The following PAGE1 variants were observed in gnomAD, a reference collection of about 807,000 sequenced individuals.
PAGE1 encodes the protein P antigen family member 1.
In PAGE1, 6 loss-of-function variants were observed where a neutral mutation model predicts 11.5. The ratio of observed to expected loss-of-function variants is 0.52; its 90% confidence interval spans 0.29 to 1.03. The LOEUF is 1.03. PAGE1 is among the 50% of genes least tolerant of loss of function. The probability of loss-of-function intolerance (pLI) is 0.09; values close to 1 mark genes in which losing one functional copy is unlikely to be tolerated. For synonymous variants in PAGE1, 42 were observed against 40.2 expected, an observed-to-expected ratio of 1.05 and a Z score of -0.17; for missense variants, 120 against 110.2, an observed-to-expected ratio of 1.09 and a Z score of -0.40.
chrX:49,691,325 C>T lies in PAGE1; in HGVS notation c.216G>A (p.Gly72=), dbSNP rs782553322. The T allele has an allele frequency of 9.9e-6, 12 of 1,207,990 alleles. No individual in the cohort carries two copies. The African/African-American group carries it at 1.7e-4, about 18-fold the overall frequency. ...TATCAGGACCATCTCCAAGCTCACACCCAGTCTTTGGCTGAACCAGTTCCT... is the reference window on the plus strand; with the variant it reads ...TATCAGGACCATCTCCAAGCTCACATCCAGTCTTTGGCTGAACCAGTTCCT... ...DSQELVQPKT[G]CELGDGPDTK... is the part of the protein sequence containing the mutation. The change falls in exon 4 of 6, where the codon GGG becomes GGA. Residue 72 remains glycine, a synonymous_variant. Coordinates refer to ENST00000376150, the MANE Select transcript of PAGE1 (RefSeq NM_003785.4).
Position 49,694,715 on chromosome X carries a change from G to T in PAGE1, c.56C>A (p.Ser19Tyr), listed in dbSNP as rs782621969. ...YRRRPMIYVE[S>Y]SEESSDEQPD... The stretch of plus-strand genomic sequence containing the variant: ...CAGCATAGGCCCAATTACCTCAGAA[G>T]ATTCTACATAGATCATTGGTCTACG... Residue 19 changes from serine (S) to tyrosine (Y), a missense_variant, in exon 2 of 6, where the codon TCT (serine) becomes TAT (tyrosine). Physicochemically the swap from Ser to Tyr is moderately radical, Grantham distance 144 (BLOSUM62 -2). Transcript: ENST00000376150. 5 of 1,185,554 alleles carry T rather than the reference G, an allele frequency of 4.2e-6. No individual in the cohort carries two copies. In the South Asian group the frequency reaches 9.3e-5, roughly 22 times the overall value.
At chrX:49,689,644 A>ATG (rs1205438137) in intron 4 of PAGE1, 101 bp from the exon 5 acceptor site, 1 of 88,007 alleles carries the variant, frequency 1.1e-5, no homozygotes, top group Non-Finnish European at 1.7e-5. Context: ...ATACATATAT[A>ATG]TGTGTGTGTA....
In PAGE1 at chrX:49,687,510, A is replaced by G. The variant is rs782751844; in HGVS notation, c.*31T>C. On this transcript the variant is annotated 3_prime_UTR_variant, in exon 6 of 6. Transcript: ENST00000376150. The stretch of plus-strand genomic sequence containing the variant: ...TTAATGGTCAAATTTCCAACACAGG[A>G]GCAGCCTGAACCATTTCAGCGTGTC... 8.4e-7 allele frequency: 1 copy of G among 1,193,686 alleles called. No individual in the cohort carries two copies. Among genetic ancestry groups the G allele is most frequent in the South Asian group, 1.8e-5 (1 of 56,098 alleles).
intron 2 of PAGE1, 100 bp downstream of exon 2, chrX:49,694,608 G>A: frequency 2.2e-6 from 1 of 458,775 alleles, no homozygotes; most frequent in Non-Finnish European, 3.7e-6. Context: ...CTTTATTAGT[G>A]TATCTATACT....
At chrX:49,690,869 C>CAAA (rs781913120) in intron 4 of PAGE1, among the ~76,000 whole-genome samples, 1 of 61,523 alleles carries the variant, frequency 1.6e-5, no homozygotes, top group East Asian at 4.6e-4. Context: ...TACTAAAATA[C>CAAA]AAAAAAAAAA....
rs1044293929 is a variant in PAGE1, at chrX:49,687,627, G to C, written c.419-64C>G. 4.0e-5 allele frequency: 40 copies of C among 1,005,951 alleles called. No homozygotes were observed. In the African/African-American group the frequency reaches 6.7e-4, roughly 17 times the overall value. 82.9% of individuals were successfully genotyped at this position (1,005,951 alleles called of 1,213,427 possible). A position where few individuals can be genotyped will look rare whatever the true frequency, so the allele number is the denominator to read the frequency against. On this transcript the variant is annotated intron_variant, in intron 5 of 5. Coordinates refer to ENST00000376150, the MANE Select transcript of PAGE1 (RefSeq NM_003785.4). ...AGCAGATTATTTAGATGACCCAAAA[G>C]GCACACAAAGGACACTACAATTTGG...
At chrX:49,695,347 C>T (rs1366189807) in intron 1 of PAGE1, among the ~76,000 whole-genome samples, 2 of 111,858 alleles carry the variant, frequency 1.8e-5, no homozygotes, top group African/African-American at 6.5e-5. Context: ...CCATTGTTTC[C>T]GGACCTTCTA....
At chrX:49,694,323 C>A in intron 2 of PAGE1, 122 bp from the exon 3 acceptor site, 1 of 437,186 alleles carries the variant, frequency 2.3e-6, no homozygotes, top group Non-Finnish European at 4.0e-6. Context: ...ATAACTAAAC[C>A]TAAAAATATT....
In PAGE1 at chrX:49,691,249, C is replaced by A; in HGVS notation, c.292G>T (p.Gly98Trp). Residue 98 changes from glycine (G) to tryptophan (W), a missense_variant and splice_region_variant, in exon 4 of 6, where the codon GGG becomes TGG. Gly to Trp is a radical substitution (Grantham distance 184). Transcript: ENST00000376150. ...TTTGCATGCTTAATGGACTACCTACCTTCTGCGGGCAGTTTCATCTGCTCT... is the reference window on the plus strand; with the variant it reads ...TTTGCATGCTTAATGGACTACCTACATTCTGCGGGCAGTTTCATCTGCTCT... ...NEEQMKLPAE[G>W]PEPEADSQEQ... The A allele has an allele frequency of 8.3e-7, 1 of 1,209,278 alleles. No homozygotes were observed. The highest frequency in any genetic ancestry group is 1.1e-6 in the Non-Finnish European group (1 of 894,275).
At position 49,689,560 on chromosome X, in the gene PAGE1, AAAAAAAAAAAAAAAAATATAT is replaced by A; in HGVS notation, c.293-38_293-18del. ...GCTCTGGCCCTTAAAAAAAAAAAAAAAAAAAAAAAAAAAAAATATATATATATATATATATATATATATATA... is the reference window on the plus strand; with the variant it reads ...GCTCTGGCCCTTAAAAAAAAAAAAAAATATATATATATATATATATATATA... On this transcript the variant is annotated intron_variant, in intron 4 of 5. Coordinates refer to ENST00000376150, the MANE Select transcript of PAGE1 (RefSeq NM_003785.4). 1 of 182,439 alleles carries A rather than the reference AAAAAAAAAAAAAAAAATATAT, an allele frequency of 5.5e-6. No individual in the cohort carries two copies. Among genetic ancestry groups the A allele is most frequent in the African/African-American group, 1.1e-4 (1 of 9,174 alleles). 15.0% of individuals were successfully genotyped at this position (182,439 alleles called of 1,213,427 possible).
chrX:49,689,706 GTGTATATATGTATATA>G (rs201628154), intron 4 of PAGE1, among the ~76,000 whole-genome samples, 163 bp from the exon 5 acceptor site: 1 of 56,747 alleles, frequency 1.8e-5, no homozygotes, highest in Non-Finnish European at 3.0e-5. Context: ...ACATATATAT[GTGTATATATGTATATA>G]TGTATATATA....
intron 2 of PAGE1, among the ~76,000 whole-genome samples, 187 bp downstream of exon 2, chrX:49,694,521 G>GA (rs781990429): frequency 1.5e-3 from 156 of 105,759 alleles, no homozygotes; most frequent in African/African-American, 4.9e-3. Context: ...GAACACAAGA[G>GA]AAAAAAAAAA....
At chrX:49,692,021 C>A (rs2066922307) in intron 3 of PAGE1, among the ~76,000 whole-genome samples, 1 of 110,702 alleles carries the variant, frequency 9.0e-6, no homozygotes, top group Non-Finnish European at 1.9e-5. Context: ...GTGGCCATTG[C>A]CTGTAGTCCC....
chrX:49,690,629 T>C (rs1476573145), intron 4 of PAGE1, among the ~76,000 whole-genome samples: 1 of 111,425 alleles, frequency 9.0e-6, no homozygotes, highest in East Asian at 2.8e-4. Context: ...AAAGAAAAAT[T>C]AAGGAAACAT....
chrX:49,690,757 G>A (rs782423115), intron 4 of PAGE1, among the ~76,000 whole-genome samples: 17 of 110,826 alleles, frequency 1.5e-4, no homozygotes, highest in Non-Finnish European at 2.8e-4. Context: ...AGGCATGGTG[G>A]CTCACACCTT....
At chrX:49,694,450 G>A (rs367708990) in intron 2 of PAGE1, among the ~76,000 whole-genome samples, 29 of 111,099 alleles carry the variant, frequency 2.6e-4, no homozygotes, top group East Asian at 8.4e-4. Context: ...GAATAGATGT[G>A]TATAATCTAT....
rs1557142188 is a variant in PAGE1 at position 49,691,269 on chromosome X, T to G, written c.272A>C (p.Gln91Pro). The change falls in exon 4 of 6, where the codon CAG (glutamine) becomes CCG (proline). Residue 91 changes from glutamine to proline, a missense_variant. Transcript: ENST00000376150. ...CCTACCTTCTGCGGGCAGTTTCATC[T>G]GCTCTTCATTTCGCAGGCACACCCT... is the stretch of plus-strand genomic sequence containing the variant. ...TKRVCLRNEE[Q>P]MKLPAEGPEP... The G allele has an allele frequency of 4.1e-6, 5 of 1,209,141 alleles. No individual in the cohort carries two copies. In the Admixed American group the frequency reaches 1.1e-4, roughly 26 times the overall value.
intron 5 of PAGE1, 108 bp downstream of exon 5, chrX:49,689,310 C>A: frequency 1.3e-6 from 1 of 795,148 alleles, no homozygotes; most frequent in Non-Finnish European, 1.6e-6. Flanking sequence ...CACTGCACTC[C>A]AGCCTGGTTG....
At chrX:49,694,045 C>T in intron 3 of PAGE1, 54 bp downstream of exon 3, 5 of 658,803 alleles carry the variant, frequency 7.6e-6, no homozygotes, top group Non-Finnish European at 1.2e-5. Context: ...CACACACACA[C>T]ACACACACAC....
Sources: allele counts gnomAD v4.1 joint callset (sites outside exome capture counted in the v4.1 genomes callset), GRCh38; gene constraint gnomAD v4.1.1; transcripts MANE v1.5; gene names NCBI Gene and HGNC (gene_info 2026-07-23, HGNC 2026-07-21).